Variants in CDH6 observed in about 807,000 individuals in gnomAD.
The protein encoded by CDH6 is cadherin 6.
Under a neutral mutation model 78.0 loss-of-function variants are expected in CDH6, and 31 were observed. The observed-to-expected ratio is 0.40, with a 90% CI of 0.30 to 0.54. The LOEUF (loss-of-function observed/expected upper bound fraction) is 0.54. CDH6 is among the 20% of genes least tolerant of loss of function. The probability of loss-of-function intolerance (pLI) is 0.56; values close to 1 mark genes in which losing one functional copy is unlikely to be tolerated. For missense variants in CDH6, 724 were observed against 975.9 expected (o/e 0.74, Z 3.44); for synonymous variants, 376 against 368.8 (o/e 1.02, Z -0.23).
At chr5:31,306,097 T>A (rs537164034) in intron 7 of CDH6, among the ~76,000 whole-genome samples, 53 of 152,358 alleles carry the variant, frequency 3.5e-4, no homozygotes, top group African/African-American at 1.2e-3. Flanking sequence ...AGAAAAAGTA[T>A]GATTTTTAAC....
rs544711913 is a variant in CDH6 at position 31,236,525 on chromosome 5, G to A, written c.-128-30821G>A. Among the ~76,000 whole-genome samples, 5 of 152,238 alleles carry A rather than the reference G, an allele frequency of 3.3e-5. No individual in the cohort carries two copies. In the South Asian group the frequency reaches 8.3e-4, roughly 25 times the overall value. ...GTGTCCTTCCCAGGCCCTGCCTCGT[G>A]GTGAGCTCTGGCACACCTTTGTTGC... On this transcript the variant is annotated intron_variant, in intron 1 of 11. Transcript: ENST00000265071.
At chr5:31,227,766 T>A (rs1291443312) in intron 1 of CDH6, among the ~76,000 whole-genome samples, 1 of 152,120 alleles carries the variant, frequency 6.6e-6, no homozygotes, top group Non-Finnish European at 1.5e-5. Context: ...ACATGCCCAG[T>A]CTCCATGCTC....
In CDH6 at chr5:31,291,444, A is replaced by G. The variant is rs79273163; in HGVS notation, c.229-2518A>G. 3.2e-3 allele frequency among the ~76,000 whole-genome samples: 490 copies of G among 152,336 alleles called. 11 individuals are homozygous for G. The South Asian group carries it at 0.047, about 15-fold the overall frequency. On this transcript the variant is annotated intron_variant, in intron 2 of 11. Transcript: ENST00000265071. ...ACATGGTGGTTAATGTACTATTTGC[A>G]TGTGGTCTTCAATTAGATCTTCACA...
At chr5:31,245,124 T>C (rs934994778) in intron 1 of CDH6, among the ~76,000 whole-genome samples, 5 of 152,154 alleles carry the variant, frequency 3.3e-5, no homozygotes, top group African/African-American at 1.2e-4. Context: ...CAAGTCCCAG[T>C]GGAGGAGGGA....
chr5:31,325,801 T>C lies in CDH6; in HGVS notation c.*2493T>C, dbSNP rs1738612396. The C allele has an allele frequency of 4.3e-6, 1 of 231,296 alleles. No individual in the cohort carries two copies. Among genetic ancestry groups the C allele is most frequent in the Non-Finnish European group, 8.6e-6 (1 of 116,912 alleles). The allele number at this position is 231,296 out of a possible 1,614,324, so 14.3% of individuals were successfully genotyped here. On this transcript the variant is annotated 3_prime_UTR_variant, in exon 12 of 12. Coordinates refer to ENST00000265071, the MANE Select transcript of CDH6 (RefSeq NM_004932.4). ...TTTAATCTCTTATCATAAAAGCTGATGATGAAGTAAATTTATAGGAAATTG... is the reference window on the plus strand; with the variant it reads ...TTTAATCTCTTATCATAAAAGCTGACGATGAAGTAAATTTATAGGAAATTG...
intron 1 of CDH6, among the ~76,000 whole-genome samples, chr5:31,209,102 G>C (rs1740620083): frequency 6.6e-6 from 1 of 152,130 alleles, no homozygotes; most frequent in Non-Finnish European, 1.5e-5. Context: ...GAAGCCAAAG[G>C]TATATGGAGA....
At chr5:31,207,353 C>G (rs1740556857) in intron 1 of CDH6, among the ~76,000 whole-genome samples, 1 of 152,182 alleles carries the variant, frequency 6.6e-6, no homozygotes, top group Non-Finnish European at 1.5e-5. Context: ...TAATATCCAG[C>G]TGACCAGTGC....
chr5:31,272,374 G>A (rs1294710744), intron 2 of CDH6, among the ~76,000 whole-genome samples: 1 of 152,102 alleles, frequency 6.6e-6, no homozygotes, highest in Non-Finnish European at 1.5e-5. Context: ...GTTATCTTTG[G>A]CTTATGTAAA....
chr5:31,307,026 G>C (rs924289634), intron 7 of CDH6, among the ~76,000 whole-genome samples: 1 of 152,072 alleles, frequency 6.6e-6, no homozygotes, highest in African/African-American at 2.4e-5. Context: ...CTTGACAGTT[G>C]AAAGAACAGC....
chr5:31,328,242 T>C lies in CDH6; in HGVS notation c.*4934T>C, dbSNP rs1288120532. On this transcript the variant is annotated 3_prime_UTR_variant, in exon 12 of 12. Transcript: ENST00000265071. ...ACTCAAATTTCTCCTCAAATGGGGT[T>C]AATCTGACAAACGAGGCATGGACCC... 5.4e-6 allele frequency: 1 copy of C among 184,156 alleles called. No homozygotes were observed. Among genetic ancestry groups the C allele is most frequent in the Non-Finnish European group, 1.1e-5 (1 of 88,280 alleles). The allele number at this position is 184,156 out of a possible 1,614,324, so 11.4% of individuals were successfully genotyped here.
chr5:31,272,065 A>G lies in CDH6; in HGVS notation c.228+4364A>G, dbSNP rs138166750. ...TCCACAAAGTGTTATCAAAATAAAAAGGAGAAGAGCCAACCAGGCTCTGGG... is the reference window on the plus strand; with the variant it reads ...TCCACAAAGTGTTATCAAAATAAAAGGGAGAAGAGCCAACCAGGCTCTGGG... On this transcript the variant is annotated intron_variant, in intron 2 of 11. Coordinates refer to ENST00000265071, the MANE Select transcript of CDH6 (RefSeq NM_004932.4). Among the ~76,000 whole-genome samples the G allele has an allele frequency of 5.3e-3, 811 of 152,340 alleles. 5 individuals carry two copies. The highest frequency in any genetic ancestry group is 8.4e-3 in the Non-Finnish European group (569 of 68,034).
intron 2 of CDH6, among the ~76,000 whole-genome samples, chr5:31,292,567 A>G (rs185964384): frequency 3.3e-5 from 5 of 152,214 alleles, no homozygotes; most frequent in African/African-American, 1.2e-4. Flanking sequence ...AGCATAGCCC[A>G]TATTCTGTTT....
At chr5:31,305,537 T>C (rs958578329) in intron 7 of CDH6, 110 bp downstream of exon 7, 19 of 1,139,462 alleles carry the variant, frequency 1.7e-5, no homozygotes, top group Non-Finnish European at 2.2e-5. Context: ...ATTAGACAAC[T>C]GTGTTTTCCT....
intron 1 of CDH6, among the ~76,000 whole-genome samples, chr5:31,247,121 T>A (rs1327172148): frequency 6.6e-6 from 1 of 152,198 alleles, no homozygotes; most frequent in Non-Finnish European, 1.5e-5. Context: ...TCAGGACATC[T>A]CTGCAGAAGA....
chr5:31,312,062 T>A (rs545666450), intron 7 of CDH6, among the ~76,000 whole-genome samples: 2 of 152,336 alleles, frequency 1.3e-5, no homozygotes, highest in Admixed American at 1.3e-4. Context: ...AAGTTCCTAG[T>A]CTGTTCCAGG....
chr5:31,206,111 A>C (rs954682967), intron 1 of CDH6, among the ~76,000 whole-genome samples: 1 of 152,154 alleles, frequency 6.6e-6, no homozygotes, highest in Non-Finnish European at 1.5e-5. Flanking sequence ...ATATACATGT[A>C]CTGAGATCAT....
intron 2 of CDH6, among the ~76,000 whole-genome samples, chr5:31,282,013 A>G (rs934821251): frequency 3.9e-5 from 6 of 152,202 alleles, no homozygotes; most frequent in African/African-American, 1.4e-4. Context: ...TACCTGATAC[A>G]CAGTAAAGTG....
intron 1 of CDH6, among the ~76,000 whole-genome samples, chr5:31,255,524 G>T (rs1233428066): frequency 6.6e-6 from 1 of 152,152 alleles, no homozygotes; most frequent in Admixed American, 6.5e-5. Context: ...GTAAACAGAG[G>T]TTCTAATTAA....
intron 1 of CDH6, among the ~76,000 whole-genome samples, chr5:31,260,518 A>C (rs920916257): frequency 2.6e-5 from 4 of 152,226 alleles, no homozygotes; most frequent in Non-Finnish European, 5.9e-5. Flanking sequence ...CCCCAACTAC[A>C]TATAAAATGC....
Sources: allele counts gnomAD v4.1 joint callset (sites outside exome capture counted in the v4.1 genomes callset), GRCh38; gene constraint gnomAD v4.1.1; transcripts MANE v1.5; gene names NCBI Gene and HGNC (gene_info 2026-07-23, HGNC 2026-07-21).